The following ARMC9 variants were observed in gnomAD, a reference collection of about 807,000 sequenced individuals.
The protein encoded by ARMC9 is armadillo repeat containing 9, also known as lisH domain-containing protein ARMC9.
A neutral mutation model predicts 107.0 loss-of-function variants in ARMC9; 94 were observed. That is an observed-to-expected ratio of 0.88 (90% CI 0.74 to 1.04). The LOEUF is 1.04. ARMC9 is among the 50% of genes least tolerant of loss of function. ARMC9 has a pLI of 0.00. For synonymous variants in ARMC9, 380 were observed against 396.9 expected (o/e 0.96, Z 0.51); for missense variants, 942 against 1,030.1 (o/e 0.91, Z 1.17).
intron 19 of ARMC9, among the ~76,000 whole-genome samples, chr2:231,330,230 T>TTTC (rs386392879): frequency 3.5e-4 from 4 of 11,402 alleles, no homozygotes; most frequent in South Asian, 3.6e-3. Flanking sequence ...TTTTTCTTTC[T>TTTC]TTTTTTTTTT....
intron 1 of ARMC9, among the ~76,000 whole-genome samples, chr2:231,205,319 A>G (rs1041444232): frequency 6.6e-6 from 1 of 152,062 alleles, no homozygotes; most frequent in African/African-American, 2.4e-5. Context: ...GCAGTGAGCT[A>G]TGATTGCACC....
chr2:231,225,493 CTG>C (rs2034557911), intron 6 of ARMC9, among the ~76,000 whole-genome samples: 1 of 152,128 alleles, frequency 6.6e-6, no homozygotes, highest in South Asian at 2.1e-4. Flanking sequence ...GATAAACAAA[CTG>C]TGGTGTTATC....
At chr2:231,201,184 C>T (rs1395238853) in intron 1 of ARMC9, among the ~76,000 whole-genome samples, 1 of 152,178 alleles carries the variant, frequency 6.6e-6, no homozygotes, top group Non-Finnish European at 1.5e-5. Context: ...CCTTTTGCAT[C>T]TGGCAGGGCT....
chr2:231,296,599 G>A lies in ARMC9; in HGVS notation c.1773+346G>A, dbSNP rs143721713. 8.0e-3 allele frequency among the ~76,000 whole-genome samples: 1,211 copies of A among 152,316 alleles called. 11 individuals carry two copies. Among genetic ancestry groups the A allele is most frequent in the Non-Finnish European group, 0.013 (914 of 68,014 alleles). ...CGAGCCTCGGCCTGTCTTCCTCACC[G>A]GTGGGAGTGCTGGGCGTGTAGGCGC... On this transcript the variant is annotated intron_variant, in intron 19 of 24. Transcript: ENST00000611582.
At chr2:231,317,176 CT>C (rs957991111) in intron 19 of ARMC9, among the ~76,000 whole-genome samples, 196 of 145,794 alleles carry the variant, frequency 1.3e-3, no homozygotes, top group African/African-American at 3.1e-3. Context: ...GTTCATGGAA[CT>C]TTTTTTTTTT....
chr2:231,287,703 A>G (rs1207827596), intron 17 of ARMC9, among the ~76,000 whole-genome samples: 3 of 152,138 alleles, frequency 2.0e-5, no homozygotes, highest in African/African-American at 4.8e-5. Context: ...TAATCATGTC[A>G]TGTAATCATG....
At chr2:231,222,865 G>C (rs368777249) in intron 6 of ARMC9, 45 bp downstream of exon 6, 9 of 1,333,018 alleles carry the variant, frequency 6.8e-6, no homozygotes, top group Admixed American at 6.2e-5. Context: ...TTTTAGAGCA[G>C]ATTTTATTTA....
At chr2:231,301,469 A>G (rs1271275282) in intron 19 of ARMC9, among the ~76,000 whole-genome samples, 2 of 152,058 alleles carry the variant, frequency 1.3e-5, no homozygotes, top group Non-Finnish European at 1.5e-5. Context: ...TCTTCCCTCC[A>G]TCTCCACTAG....
intron 9 of ARMC9, among the ~76,000 whole-genome samples, chr2:231,251,257 C>A (rs2037270712): frequency 1.3e-5 from 2 of 152,106 alleles, no homozygotes; most frequent in South Asian, 4.2e-4. Flanking sequence ...ACCTCCGCCT[C>A]CCGGATTCAA....
chr2:231,240,075 G>A, intron 9 of ARMC9, 34 bp downstream of exon 9: 3 of 1,533,210 alleles, frequency 2.0e-6, no homozygotes, highest in Non-Finnish European at 1.8e-6. Context: ...GGTGCCCGTG[G>A]TCTATCCCCC....
chr2:231,201,217 C>T (rs1183938331), intron 1 of ARMC9, among the ~76,000 whole-genome samples: 1 of 152,150 alleles, frequency 6.6e-6, no homozygotes, highest in Non-Finnish European at 1.5e-5. Flanking sequence ...GGGGAGGTGT[C>T]CTCCCTGCTC....
chr2:231,336,010 TGGAG>T (rs903658401), intron 20 of ARMC9, among the ~76,000 whole-genome samples: 1 of 152,024 alleles, frequency 6.6e-6, no homozygotes, highest in African/African-American at 2.4e-5. Context: ...GCCCAGGAGA[TGGAG>T]GCTTCAGGGA....
Position 231,226,818 on chromosome 2 carries a change from A to G in ARMC9, c.622+20A>G. On this transcript the variant is annotated intron_variant, in intron 7 of 24. Coordinates refer to ENST00000611582, the MANE Select transcript of ARMC9 (RefSeq NM_001352754.2). The stretch of plus-strand genomic sequence containing the variant: ...ACAAAGGTAAATCATCTAGATTTAA[A>G]TTTGTCTAAGAACAACTTTGCCAGT... 1.2e-6 allele frequency: 2 copies of G among 1,610,860 alleles called. No individual in the cohort carries two copies. The highest frequency in any genetic ancestry group is 1.7e-6 in the Non-Finnish European group (2 of 1,177,024).
intron 19 of ARMC9, among the ~76,000 whole-genome samples, chr2:231,299,515 A>T (rs941902914): frequency 6.6e-6 from 1 of 152,182 alleles, no homozygotes; most frequent in Non-Finnish European, 1.5e-5. Context: ...GTTGCTGTGC[A>T]TTTTTGTGGG....
intron 24 of ARMC9, 98 bp from the exon 25 acceptor site, chr2:231,371,415 C>T (rs950662112): frequency 4.6e-6 from 6 of 1,309,566 alleles, no homozygotes; most frequent in African/African-American, 3.0e-5. Context: ...AAGGTTCCCT[C>T]GCTTCTGAGC....
intron 19 of ARMC9, among the ~76,000 whole-genome samples, chr2:231,319,223 G>T (rs189481114): frequency 6.6e-6 from 1 of 152,248 alleles, no homozygotes; most frequent in African/African-American, 2.4e-5. Flanking sequence ...TGACTGGGCT[G>T]GGCTATTCCT....
intron 17 of ARMC9, among the ~76,000 whole-genome samples, chr2:231,284,355 C>G (rs1204842814): frequency 2.6e-5 from 4 of 152,206 alleles, no homozygotes; most frequent in Non-Finnish European, 4.4e-5. Flanking sequence ...CAGAACATAT[C>G]CCTATCACTA....
intron 17 of ARMC9, among the ~76,000 whole-genome samples, chr2:231,283,038 G>C (rs2040330173): frequency 6.6e-6 from 1 of 152,082 alleles, no homozygotes; most frequent in African/African-American, 2.4e-5. Context: ...CAGCATGGAG[G>C]AAAGGCACCA....
At chr2:231,322,994 C>T (rs16827928) in intron 19 of ARMC9, among the ~76,000 whole-genome samples, 3,537 of 152,254 alleles carry the variant, frequency 0.023, 117 homozygotes, top group African/African-American at 0.08. Flanking sequence ...GTGCACCCAG[C>T]ACCTTGCCAG....
Sources: gnomAD v4.1 joint callset for allele counts (sites outside exome capture counted in the v4.1 genomes callset) on GRCh38, gnomAD v4.1.1 for gene constraint, MANE v1.5 for transcripts, NCBI Gene and HGNC (gene_info 2026-07-23, HGNC 2026-07-21) for gene names.